Variants in RAPGEF2 observed in about 807,000 individuals in gnomAD.
RAPGEF2 encodes Rap guanine nucleotide exchange factor 2, also known as PDZ domain containing guanine nucleotide exchange factor (GEF) 1.
RAPGEF2 carries 54 observed loss-of-function variants against 186.7 expected under a neutral mutation model. The ratio of observed to expected loss-of-function variants is 0.29; its 90% CI spans 0.23 to 0.36. The LOEUF (loss-of-function observed/expected upper bound fraction) is 0.36, where lower values mean the gene tolerates loss of function less well. Among genes scored for constraint, RAPGEF2 ranks in the 10% least tolerant of loss-of-function variants. The probability of loss-of-function intolerance (pLI) is 1.00; values close to 1 mark genes in which losing one functional copy is unlikely to be tolerated. For synonymous variants in RAPGEF2, 712 were observed against 705.9 expected (o/e 1.01, Z -0.14); for missense variants, 1,532 against 2,045.0 (o/e 0.75, Z 4.84).
chr4:159,136,136 A>G (rs1051888227), intron 1 of RAPGEF2, among the ~76,000 whole-genome samples: 1 of 152,342 alleles, frequency 6.6e-6, no homozygotes, highest in South Asian at 2.1e-4. Flanking sequence ...GGTGTACGAT[A>G]TTGCATTTAG....
chr4:159,273,480 A>G (rs1229437531), intron 7 of RAPGEF2, among the ~76,000 whole-genome samples: 1 of 150,402 alleles, frequency 6.6e-6, no homozygotes, highest in African/African-American at 2.4e-5. Context: ...GTAATGATCC[A>G]TTAAAAAATC....
At chr4:159,268,826 T>C (rs949639827) in intron 7 of RAPGEF2, among the ~76,000 whole-genome samples, 3 of 152,182 alleles carry the variant, frequency 2.0e-5, no homozygotes, top group African/African-American at 4.8e-5. Context: ...GAAAGACTTT[T>C]CTATGCCTAA....
chr4:159,224,975 A>G (rs1424118137), intron 4 of RAPGEF2, among the ~76,000 whole-genome samples: 3 of 152,210 alleles, frequency 2.0e-5, no homozygotes, highest in Non-Finnish European at 4.4e-5. Flanking sequence ...TTTGACAGCT[A>G]TAACCAAATC....
chr4:159,350,557 T>G (rs765522579), intron 26 of RAPGEF2, among the ~76,000 whole-genome samples: 2 of 152,186 alleles, frequency 1.3e-5, no homozygotes, highest in Non-Finnish European at 2.9e-5. Flanking sequence ...CAGATAAATA[T>G]ACAAAGAATT....
chr4:159,258,130 C>T (rs546769094), intron 7 of RAPGEF2, among the ~76,000 whole-genome samples: 35 of 152,198 alleles, frequency 2.3e-4, no homozygotes, highest in Non-Finnish European at 3.7e-4. Flanking sequence ...CTAGTATTAT[C>T]TTTGGTTTGT....
chr4:159,257,625 G>A (rs1756339336), intron 7 of RAPGEF2, among the ~76,000 whole-genome samples: 1 of 152,146 alleles, frequency 6.6e-6, no homozygotes, highest in Non-Finnish European at 1.5e-5. Context: ...TAAGAAAGGA[G>A]CAATTTCAGT....
At position 159,346,778 on chromosome 4, in the gene RAPGEF2, A is replaced by C. The variant is rs745533394; in HGVS notation, c.3503-11A>C. The C allele has an allele frequency of 1.2e-6, 2 of 1,611,198 alleles. No homozygotes were observed. The highest frequency in any genetic ancestry group is 1.7e-6 in the Non-Finnish European group (2 of 1,177,984). On this transcript the variant is annotated splice_polypyrimidine_tract_variant and intron_variant, in intron 24 of 29. Coordinates refer to ENST00000691494, the MANE Select transcript of RAPGEF2 (RefSeq NM_001394067.2). ...TTCTTTGTTCTATTTTCAAACCCAA[A>C]CAATTATCAGTGCCTAAGAATCCTG...
At chr4:159,311,493 C>T (rs1462304736) in intron 8 of RAPGEF2, among the ~76,000 whole-genome samples, 1 of 152,110 alleles carries the variant, frequency 6.6e-6, no homozygotes, top group Non-Finnish European at 1.5e-5. Flanking sequence ...GACTTTTGAT[C>T]TAGCTTGAGA....
chr4:159,241,664 T>G lies in RAPGEF2; in HGVS notation c.525+296T>G, dbSNP rs369027180. 4.6e-5 allele frequency among the ~76,000 whole-genome samples: 7 copies of G among 151,824 alleles called. No individual in the cohort carries two copies. The South Asian group carries it at 8.3e-4, about 18-fold the overall frequency. ...TAACATGTCAACAGACTTTGCTAGC[T>G]CCTTTATTTCTTAAGTTGTTCTCTG... On this transcript the variant is annotated intron_variant, in intron 6 of 29. Transcript: ENST00000691494.
chr4:159,322,720 C>T (rs1451626740), intron 10 of RAPGEF2, among the ~76,000 whole-genome samples: 3 of 152,156 alleles, frequency 2.0e-5, no homozygotes, highest in Non-Finnish European at 4.4e-5. Context: ...TACAGTTCCA[C>T]GTGGCTGGGG....
chr4:159,238,798 T>C lies in RAPGEF2; in HGVS notation c.282-11T>C. The C allele has an allele frequency of 7.3e-6, 11 of 1,515,204 alleles. No individual in the cohort carries two copies. The highest frequency in any genetic ancestry group is 9.6e-6 in the Non-Finnish European group (11 of 1,140,238). The allele number at this position is 1,515,204 out of a possible 1,614,324, so 93.9% of individuals were successfully genotyped here. ...GTTCTCCTCATTGATTTTTTTTTTC[T>C]TTCTTTCTAGTTTTGGCAAGCGTTC... On this transcript the variant is annotated splice_polypyrimidine_tract_variant and intron_variant, in intron 4 of 29. Coordinates refer to ENST00000691494, the MANE Select transcript of RAPGEF2 (RefSeq NM_001394067.2).
chr4:159,230,527 G>T (rs193106468), intron 4 of RAPGEF2, among the ~76,000 whole-genome samples: 3 of 152,244 alleles, frequency 2.0e-5, no homozygotes, highest in East Asian at 1.9e-4. Flanking sequence ...GTTTATCTTG[G>T]TAAGTGGTAT....
At chr4:159,279,329 A>G (rs1267094937) in intron 7 of RAPGEF2, among the ~76,000 whole-genome samples, 1 of 152,218 alleles carries the variant, frequency 6.6e-6, no homozygotes, top group Non-Finnish European at 1.5e-5. Flanking sequence ...TATTTGGGGA[A>G]GCTGCATGAA....
chr4:159,285,690 A>C (rs368278346), intron 7 of RAPGEF2, among the ~76,000 whole-genome samples: 1 of 152,202 alleles, frequency 6.6e-6, no homozygotes, highest in African/African-American at 2.4e-5. Context: ...CTTAGCTCAA[A>C]AGGAAGAGAA....
At chr4:159,298,081 A>G (rs988874166) in intron 7 of RAPGEF2, among the ~76,000 whole-genome samples, 62 of 152,306 alleles carry the variant, frequency 4.1e-4, no homozygotes, top group African/African-American at 1.5e-3. Context: ...AGATAAAAGC[A>G]AATAAATTTT....
At chr4:159,279,709 CT>C (rs2110881617) in intron 7 of RAPGEF2, among the ~76,000 whole-genome samples, 1 of 151,938 alleles carries the variant, frequency 6.6e-6, no homozygotes, top group African/African-American at 2.4e-5. Flanking sequence ...GAGACAGGGT[CT>C]TACTCTCACC....
intron 1 of RAPGEF2, among the ~76,000 whole-genome samples, chr4:159,184,651 C>T (rs1055765020): frequency 1.3e-5 from 2 of 152,088 alleles, no homozygotes; most frequent in Non-Finnish European, 2.9e-5. Flanking sequence ...AGCCCTTTGT[C>T]GGATGAGTAG....
chr4:159,224,336 A>G (rs1444380256), intron 4 of RAPGEF2, among the ~76,000 whole-genome samples: 1 of 152,234 alleles, frequency 6.6e-6, no homozygotes, highest in East Asian at 1.9e-4. Flanking sequence ...AATATAGTAG[A>G]GAAGAGCTGC....
intron 1 of RAPGEF2, among the ~76,000 whole-genome samples, chr4:159,157,025 A>G (rs974643285): frequency 1.3e-5 from 2 of 152,216 alleles, no homozygotes; most frequent in Non-Finnish European, 2.9e-5. Context: ...CAGTGACTCC[A>G]GTGCTCAATT....
Sources: gnomAD v4.1 joint callset for allele counts (sites outside exome capture counted in the v4.1 genomes callset) on GRCh38, gnomAD v4.1.1 for gene constraint, MANE v1.5 for transcripts, NCBI Gene and HGNC (gene_info 2026-07-23, HGNC 2026-07-21) for gene names.